The following CAPN14 variants were observed in gnomAD, a reference collection of about 807,000 sequenced individuals.
The protein encoded by CAPN14 is calpain-14.
CAPN14 carries 94 observed loss-of-function variants against 101.3 expected under a neutral mutation model. The ratio of observed to expected loss-of-function variants is 0.93; its 90% CI spans 0.79 to 1.10. The LOEUF is 1.10. Among genes scored for constraint, CAPN14 ranks in the 50% least tolerant of loss-of-function variants. The pLI is 0.00. For missense variants in CAPN14, 837 were observed against 828.4 expected (o/e 1.01, Z -0.13); for synonymous variants, 338 against 317.9 (o/e 1.06, Z -0.67).
At chr2:31,176,944 C>T (rs764922360) in intron 20 of CAPN14, 82 bp downstream of exon 20, 35 of 1,056,012 alleles carry the variant, frequency 3.3e-5, no homozygotes, top group South Asian at 8.9e-5. Context: ...GCTGTCCTCC[C>T]TTGTGCTTAA....
At chr2:31,222,769 G>A (rs1351218030) in intron 2 of CAPN14, among the ~76,000 whole-genome samples, 1 of 152,130 alleles carries the variant, frequency 6.6e-6, no homozygotes, top group African/African-American at 2.4e-5. Context: ...AAAAAGATCT[G>A]GAGTTCAAAG....
At chr2:31,216,457 G>A (rs1348018951) in intron 1 of CAPN14, among the ~76,000 whole-genome samples, 1 of 152,126 alleles carries the variant, frequency 6.6e-6, no homozygotes, top group Non-Finnish European at 1.5e-5. Flanking sequence ...TAGGGGTACA[G>A]GATGGATTAG....
At chr2:31,225,370 G>C (rs1051581327) in intron 2 of CAPN14, among the ~76,000 whole-genome samples, 1 of 151,910 alleles carries the variant, frequency 6.6e-6, no homozygotes, top group Non-Finnish European at 1.5e-5. Context: ...GCTGGAGTGA[G>C]AGAAAAAAAT....
upstream of CAPN14, among the ~76,000 whole-genome samples, chr2:31,221,910 T>G (rs562521427): frequency 2.0e-5 from 3 of 152,338 alleles, no homozygotes; most frequent in East Asian, 5.8e-4. Flanking sequence ...CAGTTGCCAA[T>G]GTAGCAGCCC....
rs1412638924 is a variant in CAPN14 at position 31,177,787 on chromosome 2, T to C, written c.1814A>G (p.Tyr605Cys). The C allele has an allele frequency of 1.3e-6, 2 of 1,552,042 alleles. No individual in the cohort carries two copies. Among genetic ancestry groups the C allele is most frequent in the South Asian group, 1.2e-5 (1 of 84,060 alleles). ...AGCGTGCAGCTGCTCCCAGTTCAGG[T>C]ATCCTGACCCACGGTCTTGCTTGTG... ...VFHKQDRGSGYLNWEQLHAAM... is the reference protein window; with the variant it reads ...VFHKQDRGSGCLNWEQLHAAM... Residue 605 changes from tyrosine to cysteine, a missense_variant, in exon 19 of 22, where the codon TAC (tyrosine) becomes TGC (cysteine). Coordinates refer to ENST00000403897, the MANE Select transcript of CAPN14 (RefSeq NM_001145122.2).
rs370514331 is a variant in CAPN14, at chr2:31,180,882, A to G, written c.1710+54T>C. 6.3e-5 allele frequency: 92 copies of G among 1,453,304 alleles called. 1 individual carries two copies. The African/African-American group carries it at 1.1e-3, about 18-fold the overall frequency. 90.0% of individuals were successfully genotyped at this position (1,453,304 alleles called of 1,614,324 possible). ...ATTCAAATATACTCTGCCTAGCTCC[A>G]GAGTGAAGCTCTCAACCAACAGCAA... is the stretch of plus-strand genomic sequence containing the variant. On this transcript the variant is annotated intron_variant, in intron 17 of 21. Transcript: ENST00000403897.
chr2:31,233,322 G>T (rs1683254143), intron 1 of CAPN14, among the ~76,000 whole-genome samples: 1 of 152,156 alleles, frequency 6.6e-6, no homozygotes, highest in Non-Finnish European at 1.5e-5. Flanking sequence ...GACACACCAA[G>T]TTCCTCAAGC....
Position 31,177,879 on chromosome 2 carries a change from A to G in CAPN14, c.1780-58T>C. 3.1e-6 allele frequency: 4 copies of G among 1,283,512 alleles called. No homozygotes were observed. In the Admixed American group the frequency reaches 7.9e-5, roughly 25 times the overall value. The allele number at this position is 1,283,512 out of a possible 1,614,324, so 79.5% of individuals were successfully genotyped here. The stretch of plus-strand genomic sequence containing the variant: ...CAGGCATTTCCAAGCACCATCTGAG[A>G]GCCCTGTGTGCCCCTTGTCAGCACC... On this transcript the variant is annotated intron_variant, in intron 18 of 21. Transcript: ENST00000403897.
intron 16 of CAPN14, among the ~76,000 whole-genome samples, chr2:31,181,416 TTC>T (rs1680603278): frequency 6.7e-6 from 1 of 148,868 alleles, no homozygotes; most frequent in African/African-American, 2.5e-5. Flanking sequence ...CTTTCTTTCT[TTC>T]TTTCTTTCTT....
rs1017411255 is a variant in CAPN14 at position 31,230,772 on chromosome 2, T to C, written c.-177+3019A>G. Among the ~76,000 whole-genome samples the C allele has an allele frequency of 6.6e-6, 1 of 152,232 alleles. No individual in the cohort carries two copies. The highest frequency in any genetic ancestry group is 2.4e-5 in the African/African-American group (1 of 41,462). ...TTCATGGGTTTTTGTGTATAGGAAA[T>C]ATCTTTTCACTCACTTTTGTATTTT... On this transcript the variant is annotated intron_variant and NMD_transcript_variant, in intron 1 of 21. Transcript: ENST00000398824. The surrounding 1 kb of genome is among the most constrained non-coding windows in gnomAD (Gnocchi z 4.3).
intron 1 of CAPN14, among the ~76,000 whole-genome samples, chr2:31,233,216 A>G (rs1683247105): frequency 6.6e-6 from 1 of 152,154 alleles, no homozygotes; most frequent in African/African-American, 2.4e-5. Flanking sequence ...TTGGTTCCCC[A>G]TCTCTGGCAA....
chr2:31,229,037 C>T (rs1261288721), intron 1 of CAPN14, among the ~76,000 whole-genome samples: 4 of 152,198 alleles, frequency 2.6e-5, no homozygotes, highest in Admixed American at 1.3e-4. Flanking sequence ...GTTCCAGGGG[C>T]ATTACATGCA....
intron 7 of CAPN14, among the ~76,000 whole-genome samples, chr2:31,198,263 C>G (rs1204640114): frequency 2.0e-5 from 3 of 152,154 alleles, no homozygotes; most frequent in East Asian, 3.9e-4. Context: ...CTCCCTGCTC[C>G]GAGTTGTCCT....
intron 15 of CAPN14, 96 bp downstream of exon 15, chr2:31,187,662 C>T: frequency 9.6e-7 from 1 of 1,039,946 alleles, no homozygotes. Flanking sequence ...AGTTTCTAAG[C>T]AGCCTCAAGC....
chr2:31,231,766 G>T (rs62140685), intron 1 of CAPN14, among the ~76,000 whole-genome samples: 1 of 152,076 alleles, frequency 6.6e-6, no homozygotes, highest in Admixed American at 6.6e-5. Context: ...ACCTCTCTCC[G>T]GGGACAGGCT....
intron 21 of CAPN14, among the ~76,000 whole-genome samples, chr2:31,176,125 A>G (rs540934150): frequency 6.6e-6 from 1 of 152,280 alleles, no homozygotes; most frequent in African/African-American, 2.4e-5. Flanking sequence ...TCAGAGGCCT[A>G]CTGTGTTTAA....
chr2:31,188,463 C>A, intron 13 of CAPN14, 109 bp from the exon 14 acceptor site: 1 of 877,110 alleles, frequency 1.1e-6, no homozygotes, highest in Non-Finnish European at 1.8e-6. Context: ...ACTGAGGCAC[C>A]ACAAGGGCCC....
chr2:31,214,730 C>T (rs1272743154), intron 1 of CAPN14, among the ~76,000 whole-genome samples: 1 of 152,182 alleles, frequency 6.6e-6, no homozygotes, highest in Non-Finnish European at 1.5e-5. Flanking sequence ...GAGAATAAGA[C>T]TCCCTGGAGC....
chr2:31,193,377 G>T, intron 9 of CAPN14, 83 bp from the exon 10 acceptor site: 3 of 1,362,182 alleles, frequency 2.2e-6, no homozygotes, highest in Non-Finnish European at 2.0e-6. Flanking sequence ...GTGAAACGGA[G>T]CAGTGGGCAT....
Sources: gnomAD v4.1 joint callset for allele counts (sites outside exome capture counted in the v4.1 genomes callset) on GRCh38, gnomAD v4.1.1 for gene constraint, Gnocchi (gnomAD v3.1) non-coding constraint, MANE v1.5 for transcripts, NCBI Gene and HGNC (gene_info 2026-07-23, HGNC 2026-07-21) for gene names.